The following XDH variants were observed in gnomAD, a reference collection of about 807,000 sequenced individuals.
XDH encodes xanthine dehydrogenase.
Under a neutral mutation model 156.1 loss-of-function variants are expected in XDH, and 138 were observed. The observed-to-expected ratio is 0.88, with a 90% CI of 0.77 to 1.02. XDH has a LOEUF of 1.02. XDH is among the 50% of genes least tolerant of loss of function. The pLI is 0.00. For synonymous variants in XDH, 669 were observed against 625.7 expected (o/e 1.07, Z -1.03); for missense variants, 1,849 against 1,684.9 (o/e 1.10, Z -1.71).
intron 23 of XDH, among the ~76,000 whole-genome samples, chr2:31,364,537 G>A (rs151063135): frequency 2.0e-5 from 3 of 152,168 alleles, no homozygotes; most frequent in African/African-American, 4.8e-5. Flanking sequence ...AGGGGAGTAA[G>A]GAGGTTGGAA....
Position 31,359,863 on chromosome 2 carries a change from T to C in XDH, c.2631+4295A>G, listed in dbSNP as rs551210939. On this transcript the variant is annotated intron_variant, in intron 24 of 35. Transcript: ENST00000379416. ...AAGGATATTAAGGAACAATGATTCA[T>C]TAGCCCTAAACACAATTTAATGAGT... Among the ~76,000 whole-genome samples, 9 of 152,338 alleles carry C rather than the reference T, an allele frequency of 5.9e-5. No individual in the cohort carries two copies. The South Asian group carries it at 1.5e-3, about 25-fold the overall frequency.
chr2:31,386,661 G>A (rs1270158879), intron 8 of XDH, 106 bp from the exon 9 acceptor site: 1 of 1,449,980 alleles, frequency 6.9e-7, no homozygotes, highest in Non-Finnish European at 9.6e-7. Context: ...CATTCAGAAT[G>A]AAAATATCTA....
chr2:31,410,399 A>G (rs757239305), intron 1 of XDH, among the ~76,000 whole-genome samples: 13 of 152,202 alleles, frequency 8.5e-5, no homozygotes, highest in Non-Finnish European at 1.9e-4. Flanking sequence ...CCACAATAAA[A>G]ATTATTTAAA....
chr2:31,382,229 T>G (rs1180142647), intron 11 of XDH, among the ~76,000 whole-genome samples: 2 of 152,158 alleles, frequency 1.3e-5, no homozygotes, highest in Non-Finnish European at 2.9e-5. Context: ...GAAAATACAA[T>G]TCTTCCTGGA....
In XDH at chr2:31,349,847, G is replaced by C; in HGVS notation, c.2824-16C>G. On this transcript the variant is annotated splice_polypyrimidine_tract_variant and intron_variant, in intron 25 of 35. Coordinates refer to ENST00000379416, the MANE Select transcript of XDH (RefSeq NM_000379.4). Reference sequence around the variant, plus strand: ...TTCTCCGCACCTTCCCAAGGAGAGAGACACAGAGGCCTTGTTGGCGGCAAG... The same window carrying C: ...TTCTCCGCACCTTCCCAAGGAGAGACACACAGAGGCCTTGTTGGCGGCAAG... 1.9e-6 allele frequency: 3 copies of C among 1,613,644 alleles called. No individual in the cohort carries two copies. Among genetic ancestry groups the C allele is most frequent in the Non-Finnish European group, 2.5e-6 (3 of 1,180,022 alleles).
rs1395033528 is a variant in XDH, at chr2:31,398,654, G to A, written c.352C>T (p.Pro118Ser). 8.1e-6 allele frequency: 13 copies of A among 1,614,132 alleles called. No homozygotes were observed. The highest frequency in any genetic ancestry group is 1.1e-5 in the Non-Finnish European group (13 of 1,179,996). ...SHGSQCGFCT[P>S]GIVMSMYTLL... ...GTGTACATACTCATGACGATGCCAG[G>A]GGTGCAGAACCCGCACTGGGAGCCG... Residue 118 changes from proline to serine, a missense_variant, in exon 5 of 36, where the codon CCT becomes TCT. By Grantham distance (74) the Pro-to-Ser change is moderately conservative. Transcript: ENST00000379416.
At chr2:31,346,636 C>T in intron 30 of XDH, 133 bp downstream of exon 30, 1 of 1,117,634 alleles carries the variant, frequency 8.9e-7, no homozygotes, top group East Asian at 2.4e-5. Context: ...TAAAATCACA[C>T]AAACCACCTC....
chr2:31,411,839 A>G (rs922194803), intron 1 of XDH, among the ~76,000 whole-genome samples: 1 of 152,360 alleles, frequency 6.6e-6, no homozygotes, highest in Admixed American at 6.5e-5. Flanking sequence ...GGGCTCCAGA[A>G]TGGCAAATGC....
chr2:31,394,216 T>G (rs539522176), intron 6 of XDH, among the ~76,000 whole-genome samples: 26 of 152,320 alleles, frequency 1.7e-4, no homozygotes, highest in African/African-American at 5.5e-4. Context: ...AAGATGGGTC[T>G]ACTGGCAACA....
At chr2:31,343,304 A>ATATATATATATGCATGTT (rs1553411616) in intron 31 of XDH, among the ~76,000 whole-genome samples, 11 of 101,402 alleles carry the variant, frequency 1.1e-4, no homozygotes, top group Admixed American at 9.0e-5. Context: ...ATATATATAT[A>ATATATATATATGCATGTT]TATATATATA....
Position 31,349,735 on chromosome 2 carries a change from C to CTAGGG in XDH, c.2919_2920insCCCTA (p.Ala974ProfsTer2), listed in dbSNP as rs768572432. On this transcript the variant is annotated frameshift_variant, in exon 26 of 36. Transcript: ENST00000379416. LOFTEE classifies it high-confidence loss of function. ...TTCCGAGCATGATACTGAGAGCTTG[C>CTAGGG]TAGGCATTCTTCCCAGCATCTGGGC... 1.9e-6 allele frequency: 3 copies of CTAGGG among 1,614,146 alleles called. No homozygotes were observed. The Admixed American group carries it at 5.0e-5, about 27-fold the overall frequency.
At chr2:31,373,766 T>C in intron 16 of XDH, 107 bp downstream of exon 16, 3 of 1,092,220 alleles carry the variant, frequency 2.7e-6, no homozygotes, top group Admixed American at 3.9e-5. Flanking sequence ...AGGAGTTTTA[T>C]GGACCTATAT....
At position 31,348,433 on chromosome 2, in the gene XDH, G is replaced by A. The variant is rs1685363059; in HGVS notation, c.3052-70C>T. The A allele has an allele frequency of 3.5e-6, 5 of 1,447,802 alleles. 1 individual carries two copies. In the South Asian group the frequency reaches 3.5e-5, roughly 10 times the overall value. 89.7% of individuals were successfully genotyped at this position (1,447,802 alleles called of 1,614,324 possible). ...AACTCATTAAGGTTTGGGACCAAAGGTATGGAGCCCAGGAACAAGAGAACC... is the reference window on the plus strand; with the variant it reads ...AACTCATTAAGGTTTGGGACCAAAGATATGGAGCCCAGGAACAAGAGAACC... On this transcript the variant is annotated intron_variant, in intron 27 of 35. Transcript: ENST00000379416.
At chr2:31,366,741 C>G (rs1685923912) in intron 21 of XDH, 129 bp downstream of exon 21, 2 of 1,443,856 alleles carry the variant, frequency 1.4e-6, no homozygotes, top group Non-Finnish European at 1.9e-6. Flanking sequence ...GGCTCCAGGA[C>G]TATGACACTC....
chr2:31,372,219 G>A lies in XDH; in HGVS notation c.1856+9C>T. On this transcript the variant is annotated intron_variant, in intron 17 of 35. Coordinates refer to ENST00000379416, the MANE Select transcript of XDH (RefSeq NM_000379.4). ...CATTCCACCAGCTCCTCCTGGCGGT[G>A]TCACTCACTTGATCTTGGCGTGGGC... 1 of 1,614,184 alleles carries A rather than the reference G, an allele frequency of 6.2e-7. No individual in the cohort carries two copies. Among genetic ancestry groups the A allele is most frequent in the Non-Finnish European group, 8.5e-7 (1 of 1,180,018 alleles).
intron 12 of XDH, among the ~76,000 whole-genome samples, chr2:31,380,740 G>A (rs1305834267): frequency 2.0e-5 from 3 of 152,146 alleles, no homozygotes; most frequent in Non-Finnish European, 2.9e-5. Flanking sequence ...ATAAGTCATA[G>A]CCAGGAATAT....
rs755593330 is a variant in XDH at position 31,347,554 on chromosome 2, C to A, written c.3244G>T (p.Val1082Phe). Residue 1082 changes from valine (V) to phenylalanine (F), a missense_variant, in exon 29 of 36, where the codon GTC (valine) becomes TTC (phenylalanine). Val to Phe is a conservative substitution (Grantham distance 50). Coordinates refer to ENST00000379416, the MANE Select transcript of XDH (RefSeq NM_000379.4). ...VPNTSPTAAS[V>F]SADLNGQAVY... ...GCCTGTCCATTGAGGTCAGCGCTGA[C>A]AGAGGCAGCCGTGGGAGAGGTGTTG... 1 of 1,614,162 alleles carries A rather than the reference C, an allele frequency of 6.2e-7. No homozygotes were observed. Among genetic ancestry groups the A allele is most frequent in the Non-Finnish European group, 8.5e-7 (1 of 1,180,026 alleles).
chr2:31,351,472 G>T (rs1331786343), intron 24 of XDH, among the ~76,000 whole-genome samples: 2 of 151,958 alleles, frequency 1.3e-5, no homozygotes, highest in African/African-American at 4.8e-5. Context: ...TAAATTCGCT[G>T]CCCACTAGAT....
Position 31,366,179 on chromosome 2 carries a change from C to T in XDH, c.2323-70G>A, listed in dbSNP as rs1030702155. 57 of 1,613,076 alleles carry T rather than the reference C, an allele frequency of 3.5e-5. No homozygotes were observed. The Admixed American group carries it at 9.5e-4, about 27-fold the overall frequency. On this transcript the variant is annotated intron_variant, in intron 21 of 35. Coordinates refer to ENST00000379416, the MANE Select transcript of XDH (RefSeq NM_000379.4). The stretch of plus-strand genomic sequence containing the variant: ...ACTTATTTCAGGCCTAAGGCAGAGC[C>T]TGTCCAACATGCATGGACCTAATTA...
Sources: allele counts gnomAD v4.1 joint callset (sites outside exome capture counted in the v4.1 genomes callset), GRCh38; gene constraint gnomAD v4.1.1; transcripts MANE v1.5; gene names NCBI Gene and HGNC (gene_info 2026-07-23, HGNC 2026-07-21).